The following DRC10 variants were observed in gnomAD, a reference collection of about 807,000 sequenced individuals.
DRC10 encodes the protein dynein regulatory complex subunit 10.
the DRC10 span, among the ~76,000 whole-genome samples, chr12:113,204,216 CAG>C: frequency 6.6e-6 from 1 of 152,236 alleles, no homozygotes; most frequent in Non-Finnish European, 1.5e-5. Context: ...GCCTGGGTGA[CAG>C]AGCAAGATCT....
At chr12:113,213,244 C>T in the DRC10 span, among the ~76,000 whole-genome samples, 2 of 141,566 alleles carry the variant, frequency 1.4e-5, no homozygotes, top group Admixed American at 7.2e-5. Context: ...TTCTCTCTCT[C>T]TTTTTAAATT....
At chr12:113,200,696 C>T in the DRC10 span, 26 of 1,536,086 alleles carry the variant, frequency 1.7e-5, no homozygotes, top group East Asian at 2.0e-4. Flanking sequence ...GCCCGGAAAT[C>T]GGCCTTCTGC....
chr12:113,207,870 C>G, the DRC10 span: 5 of 1,614,204 alleles, frequency 3.1e-6, no homozygotes, highest in South Asian at 4.4e-5. Context: ...CAAGGAGGAC[C>G]TGGCAGAGAT....
At chr12:113,197,683 A>C in the DRC10 span, 1 of 960,388 alleles carries the variant, frequency 1.0e-6, no homozygotes, top group South Asian at 1.4e-5. Context: ...CACTCTCTGC[A>C]TCACTAGGCT....
chr12:113,204,461 C>G, the DRC10 span, among the ~76,000 whole-genome samples: 2 of 152,288 alleles, frequency 1.3e-5, no homozygotes, highest in Non-Finnish European at 2.9e-5. Flanking sequence ...CAGGCCGAAT[C>G]CAGCCAGCCA....
the DRC10 span, chr12:113,208,135 A>C: frequency 1.2e-6 from 2 of 1,614,078 alleles, no homozygotes; most frequent in South Asian, 1.1e-5. Context: ...GGCCTGATAC[A>C]AAGGGGCCAT....
chr12:113,195,844 A>T, the DRC10 span: 1 of 1,613,438 alleles, frequency 6.2e-7, no homozygotes, highest in South Asian at 1.1e-5. Flanking sequence ...TCCTCCAGCG[A>T]GATCTTCTCC....
At chr12:113,201,434 G>C in the DRC10 span, among the ~76,000 whole-genome samples, 1 of 152,230 alleles carries the variant, frequency 6.6e-6, no homozygotes, top group African/African-American at 2.4e-5. Flanking sequence ...AAGGGTACAA[G>C]CTTGTTGGAT....
chr12:113,209,993 G>T, the DRC10 span, among the ~76,000 whole-genome samples: 2 of 152,162 alleles, frequency 1.3e-5, no homozygotes, highest in African/African-American at 4.8e-5. Flanking sequence ...AGGCATGGTG[G>T]TACGCACCTG....
At chr12:113,208,091 G>A in the DRC10 span, 1 of 1,614,208 alleles carries the variant, frequency 6.2e-7, no homozygotes, top group Non-Finnish European at 8.5e-7. Context: ...CTTTTAGATG[G>A]GTCTGTCTTT....
chr12:113,216,128 G>A, the DRC10 span, among the ~76,000 whole-genome samples: 2 of 152,192 alleles, frequency 1.3e-5, no homozygotes, highest in Non-Finnish European at 2.9e-5. Context: ...CAACCAAGAT[G>A]TCCTTCAGGA....
At chr12:113,201,358 A>G in the DRC10 span, among the ~76,000 whole-genome samples, 1 of 152,188 alleles carries the variant, frequency 6.6e-6, no homozygotes, top group African/African-American at 2.4e-5. Flanking sequence ...CTGGGGCCTG[A>G]AGCCAGGTTT....
At chr12:113,205,872 C>T in the DRC10 span, among the ~76,000 whole-genome samples, 2 of 137,052 alleles carry the variant, frequency 1.5e-5, no homozygotes, top group South Asian at 4.6e-4. Flanking sequence ...GTCCGGCTTC[C>T]GGCCTGGGCG....
the DRC10 span, among the ~76,000 whole-genome samples, chr12:113,204,544 C>G: frequency 2.2e-4 from 33 of 152,260 alleles, no homozygotes; most frequent in Non-Finnish European, 4.3e-4. Context: ...TGCTTTTCCC[C>G]TATAACAGCA....
the DRC10 span, among the ~76,000 whole-genome samples, chr12:113,203,900 G>A: frequency 6.6e-6 from 1 of 150,722 alleles, no homozygotes; most frequent in Admixed American, 6.7e-5. Context: ...GGGATTATAG[G>A]TGTGAGCCAC....
the DRC10 span, chr12:113,197,625 C>T: frequency 6.7e-7 from 1 of 1,486,180 alleles, no homozygotes; most frequent in Non-Finnish European, 9.1e-7. Flanking sequence ...AGAAAAGATC[C>T]AATTTGTCAT....
the DRC10 span, among the ~76,000 whole-genome samples, chr12:113,213,184 A>AC: frequency 1.0e-4 from 15 of 150,400 alleles, no homozygotes; most frequent in South Asian, 6.3e-4. Context: ...GCTAAAAAAA[A>AC]AAAAAAAAAA....
the DRC10 span, among the ~76,000 whole-genome samples, chr12:113,196,886 A>G: frequency 1.8e-4 from 27 of 152,366 alleles, no homozygotes; most frequent in Non-Finnish European, 4.0e-4. Context: ...TGTCTCACCG[A>G]ATCCCCGCCA....
the DRC10 span, chr12:113,221,043 T>A: frequency 2.5e-6 from 1 of 406,574 alleles, no homozygotes; most frequent in Non-Finnish European, 5.0e-6. Context: ...ACCGCCGCGG[T>A]CCCTGCGTTG....
Sources: allele counts gnomAD v4.1 joint callset (sites outside exome capture counted in the v4.1 genomes callset), GRCh38; gene constraint gnomAD v4.1.1; transcripts MANE v1.5; gene names NCBI Gene and HGNC (gene_info 2026-07-23, HGNC 2026-07-21).